Variants in FOXP1 observed in about 807,000 individuals in gnomAD.
The protein encoded by FOXP1 is forkhead box protein P1.
A neutral mutation model predicts 98.2 loss-of-function variants in FOXP1; 15 were observed. The ratio of observed to expected loss-of-function variants is 0.15; its 90% confidence interval spans 0.10 to 0.24. The LOEUF (loss-of-function observed/expected upper bound fraction) is 0.24, where lower values mean the gene tolerates loss of function less well. FOXP1 is among the 10% of genes least tolerant of loss of function. The pLI, the probability that FOXP1 is intolerant of heterozygous loss-of-function variation, is 1.00. For missense variants in FOXP1, 633 were observed against 848.5 expected (o/e 0.75, Z 3.15); for synonymous variants, 371 against 314.5 (o/e 1.18, Z -1.90).
intron 2 of FOXP1, among the ~76,000 whole-genome samples, chr3:71,533,987 G>A (rs558002841): frequency 2.7e-4 from 41 of 152,302 alleles, no homozygotes; most frequent in African/African-American, 4.8e-4. Flanking sequence ...ACAGTTGTCC[G>A]TCTGTATATT....
chr3:71,194,132 TA>T (rs1244062127), intron 6 of FOXP1, among the ~76,000 whole-genome samples: 1 of 152,110 alleles, frequency 6.6e-6, no homozygotes, highest in African/African-American at 2.4e-5. Flanking sequence ...TGGCATATCT[TA>T]AAAGTTTTTT....
At chr3:70,973,462 A>G (rs1291341719) in intron 17 of FOXP1, among the ~76,000 whole-genome samples, 6 of 152,180 alleles carry the variant, frequency 3.9e-5, no homozygotes, top group Non-Finnish European at 7.3e-5. Flanking sequence ...GGCCATTCCT[A>G]AGCTGAGACC....
chr3:71,339,182 T>C (rs1289708643), intron 4 of FOXP1, among the ~76,000 whole-genome samples: 1 of 152,244 alleles, frequency 6.6e-6, no homozygotes, highest in Non-Finnish European at 1.5e-5. Context: ...CAACATAAAA[T>C]GTATCCTGCT....
chr3:71,372,140 T>C (rs951010557), intron 3 of FOXP1, among the ~76,000 whole-genome samples: 2 of 151,454 alleles, frequency 1.3e-5, no homozygotes, highest in African/African-American at 4.8e-5. Flanking sequence ...AGCCTCCCAA[T>C]TAGCTGGGAT....
chr3:71,175,207 C>A (rs956778206), intron 6 of FOXP1, among the ~76,000 whole-genome samples: 1 of 152,200 alleles, frequency 6.6e-6, no homozygotes, highest in Non-Finnish European at 1.5e-5. Flanking sequence ...CCACCGCACC[C>A]GGCCTATTTT....
intron 6 of FOXP1, among the ~76,000 whole-genome samples, chr3:71,145,570 A>C (rs1388531989): frequency 2.0e-5 from 3 of 152,104 alleles, no homozygotes; most frequent in East Asian, 1.9e-4. Flanking sequence ...CAAAACAAAA[A>C]AAACTGCCCA....
intron 3 of FOXP1, among the ~76,000 whole-genome samples, chr3:71,485,412 G>A (rs1411870163): frequency 6.6e-6 from 1 of 152,186 alleles, no homozygotes; most frequent in Non-Finnish European, 1.5e-5. Flanking sequence ...CAACTGACAT[G>A]TCATTTCACT....
Position 70,958,208 on chromosome 3 carries a change from AAGAAAAG to A in FOXP1, c.*1032_*1038del, listed in dbSNP as rs2032297530. The A allele has an allele frequency of 2.2e-6, 1 of 446,292 alleles. No individual in the cohort carries two copies. Among genetic ancestry groups the A allele is most frequent in the Non-Finnish European group, 4.2e-6 (1 of 236,758 alleles). 27.6% of individuals were successfully genotyped at this position (446,292 alleles called of 1,614,324 possible). A position where few individuals can be genotyped will look rare whatever the true frequency, so the allele number is the denominator to read the frequency against. ...TTAATGGTTGCTGCAAAAAAAAAAA[AAGAAAAG>A]AAAAGAAAAAAAGAAAATCCGAAAC... On this transcript the variant is annotated 3_prime_UTR_variant, in exon 21 of 21. Coordinates refer to ENST00000649528, the MANE Select transcript of FOXP1 (RefSeq NM_001349338.3).
chr3:71,284,529 C>G (rs1418105041), intron 5 of FOXP1, among the ~76,000 whole-genome samples: 3 of 152,072 alleles, frequency 2.0e-5, no homozygotes, highest in Non-Finnish European at 4.4e-5. Flanking sequence ...TCACTACAAT[C>G]CAGCCTGGGT....
intron 5 of FOXP1, among the ~76,000 whole-genome samples, chr3:71,275,754 A>C (rs957836938): frequency 7.9e-5 from 12 of 152,188 alleles, no homozygotes; most frequent in African/African-American, 2.7e-4. Context: ...GTATTATTAG[A>C]GTTACACAAT....
intron 4 of FOXP1, among the ~76,000 whole-genome samples, chr3:71,338,149 C>A (rs1022802346): frequency 6.6e-6 from 1 of 152,130 alleles, no homozygotes; most frequent in Non-Finnish European, 1.5e-5. Context: ...AAATGGGAGG[C>A]TATATGTTCA....
chr3:71,375,304 T>C (rs918491553), intron 3 of FOXP1, among the ~76,000 whole-genome samples: 12 of 152,212 alleles, frequency 7.9e-5, no homozygotes, highest in African/African-American at 2.4e-4. Flanking sequence ...CTCTTAATTC[T>C]TCCACTCAGA....
At position 70,965,868 on chromosome 3, in the gene FOXP1, C is replaced by T. The variant is rs771115997; in HGVS notation, c.1889+22G>A. The T allele has an allele frequency of 7.2e-5, 116 of 1,612,826 alleles. 2 individuals carry two copies. In the South Asian group the frequency reaches 1.2e-3, roughly 17 times the overall value. ...GAGACTAGGGTCAGATAGCAAAGACCTGTTGGGTGGACAATACTCACACGG... is the reference window on the plus strand; with the variant it reads ...GAGACTAGGGTCAGATAGCAAAGACTTGTTGGGTGGACAATACTCACACGG... On this transcript the variant is annotated intron_variant, in intron 20 of 20. Coordinates refer to ENST00000649528, the MANE Select transcript of FOXP1 (RefSeq NM_001349338.3).
chr3:70,972,377 G>C (rs940773246), intron 18 of FOXP1, 178 bp downstream of exon 18: 2 of 972,500 alleles, frequency 2.1e-6, no homozygotes, highest in Non-Finnish European at 3.2e-6. Flanking sequence ...CAGCAAGCAG[G>C]GCAGGGGGAC....
intron 2 of FOXP1, chr3:71,571,006 G>C (rs943905280): frequency 6.6e-6 from 1 of 152,196 alleles, no homozygotes; most frequent in African/African-American, 2.4e-5. Context: ...TTCTCTCGTA[G>C]ACTTCAATCA....
chr3:71,261,657 G>A (rs185160405), intron 5 of FOXP1, among the ~76,000 whole-genome samples: 159 of 152,022 alleles, frequency 1.0e-3, no homozygotes, highest in Non-Finnish European at 1.8e-3. Flanking sequence ...AAATAATCTC[G>A]AACAATTGTG....
At chr3:71,246,347 G>A (rs974571366) in intron 5 of FOXP1, among the ~76,000 whole-genome samples, 1 of 152,128 alleles carries the variant, frequency 6.6e-6, no homozygotes, top group African/African-American at 2.4e-5. Flanking sequence ...CAAAACATGT[G>A]CCATGAGCAA....
intron 9 of FOXP1, among the ~76,000 whole-genome samples, chr3:71,052,172 A>G (rs1392882724): frequency 1.5e-5 from 2 of 131,460 alleles, no homozygotes; most frequent in African/African-American, 8.4e-5. Context: ...GAGCTGGGGA[A>G]AAAAAAAAAA....
intron 1 of FOXP1, chr3:71,582,435 G>C (rs981942073): frequency 2.0e-6 from 2 of 985,232 alleles, no homozygotes; most frequent in Non-Finnish European, 2.4e-6. Context: ...GCTGGCTCCA[G>C]GGAGTCGTCT....
Sources: allele counts gnomAD v4.1 joint callset (sites outside exome capture counted in the v4.1 genomes callset), GRCh38; gene constraint gnomAD v4.1.1; transcripts MANE v1.5; gene names NCBI Gene and HGNC (gene_info 2026-07-23, HGNC 2026-07-21).